The following PTPRM variants were observed in gnomAD, a reference collection of about 807,000 sequenced individuals.
PTPRM encodes the protein receptor-type tyrosine-protein phosphatase mu.
Under a neutral mutation model 186.7 loss-of-function variants are expected in PTPRM, and 47 were observed. The observed-to-expected ratio is 0.25, with a 90% CI of 0.20 to 0.32. PTPRM has a LOEUF of 0.32. PTPRM is among the 10% of genes least tolerant of loss of function. The pLI is 1.00. For synonymous variants in PTPRM, 668 were observed against 674.9 expected (o/e 0.99, Z 0.16); for missense variants, 1,494 against 1,865.0 (o/e 0.80, Z 3.66).
chr18:7,803,536 A>G (rs2044079648), intron 2 of PTPRM, among the ~76,000 whole-genome samples: 2 of 152,268 alleles, frequency 1.3e-5, no homozygotes, highest in South Asian at 2.1e-4. Context: ...CATTCTGGGG[A>G]TTAAGACACG....
At chr18:7,715,524 A>C (rs1477923455) in intron 1 of PTPRM, among the ~76,000 whole-genome samples, 1 of 152,204 alleles carries the variant, frequency 6.6e-6, no homozygotes, top group African/African-American at 2.4e-5. Flanking sequence ...AGGCAAGAGA[A>C]AGAAATAAAG....
At chr18:8,195,307 G>C (rs1437021689) in intron 14 of PTPRM, among the ~76,000 whole-genome samples, 1 of 152,084 alleles carries the variant, frequency 6.6e-6, no homozygotes, top group Non-Finnish European at 1.5e-5. Context: ...GGTGAACCCA[G>C]TGATGGCTGC....
In PTPRM at chr18:8,248,599, A is replaced by G. The variant is rs1179266804; in HGVS notation, c.2554+423A>G. Reference sequence around the variant, plus strand: ...TTATTTTCACTTATTGCTAAGCACTAAAAACTTCAATTTTAAAAGTAGCGT... The same window carrying G: ...TTATTTTCACTTATTGCTAAGCACTGAAAACTTCAATTTTAAAAGTAGCGT... On this transcript the variant is annotated intron_variant, in intron 17 of 32. Transcript: ENST00000580170. Among the ~76,000 whole-genome samples the G allele has an allele frequency of 3.9e-5, 6 of 152,186 alleles. 1 individual carries two copies. Among genetic ancestry groups the G allele is most frequent in the Admixed American group, 3.9e-4 (6 of 15,288 alleles).
At chr18:8,351,775 G>T (rs1244907178) in intron 23 of PTPRM, among the ~76,000 whole-genome samples, 1 of 152,166 alleles carries the variant, frequency 6.6e-6, no homozygotes, top group Non-Finnish European at 1.5e-5. Context: ...TCCAGACACT[G>T]CCAGGCTTCA....
intron 1 of PTPRM, among the ~76,000 whole-genome samples, chr18:7,742,790 A>T (rs565323074): frequency 1.3e-5 from 2 of 152,230 alleles, no homozygotes; most frequent in Non-Finnish European, 2.9e-5. Flanking sequence ...GCGTACTTGA[A>T]TCCTACCAGC....
chr18:8,320,634 A>G (rs1278725169), intron 22 of PTPRM, among the ~76,000 whole-genome samples: 3 of 152,174 alleles, frequency 2.0e-5, no homozygotes, highest in African/African-American at 7.2e-5. Context: ...GGGGTGGAAA[A>G]GCTCCAGCTA....
At chr18:8,049,734 T>G (rs2087336082) in intron 7 of PTPRM, among the ~76,000 whole-genome samples, 1 of 149,858 alleles carries the variant, frequency 6.7e-6, no homozygotes, top group Non-Finnish European at 1.5e-5. Context: ...TTTTTTGAGA[T>G]GAAATCTTGC....
intron 5 of PTPRM, among the ~76,000 whole-genome samples, chr18:7,929,674 G>A (rs1283279730): frequency 6.6e-6 from 1 of 152,170 alleles, no homozygotes; most frequent in African/African-American, 2.4e-5. Flanking sequence ...TGCAAGGGTG[G>A]TTTTTATTAA....
At chr18:7,856,268 T>G (rs2047090071) in intron 2 of PTPRM, among the ~76,000 whole-genome samples, 1 of 152,214 alleles carries the variant, frequency 6.6e-6, no homozygotes, top group South Asian at 2.1e-4. Flanking sequence ...ATTGCAAAGA[T>G]TTATAAACAA....
chr18:8,135,612 C>A (rs146236804), intron 13 of PTPRM, among the ~76,000 whole-genome samples: 11 of 152,282 alleles, frequency 7.2e-5, no homozygotes, highest in African/African-American at 2.2e-4. Flanking sequence ...TTAAACACAA[C>A]GCCACAATAA....
Position 8,304,072 on chromosome 18 carries a change from C to A in PTPRM, c.2842+7617C>A, listed in dbSNP as rs146354115. 5.6e-3 allele frequency among the ~76,000 whole-genome samples: 854 copies of A among 152,252 alleles called. 6 individuals carry two copies. Among genetic ancestry groups the A allele is most frequent in the African/African-American group, 0.019 (796 of 41,542 alleles). ...ATTCCAATTTACCTTATATATGTCA[C>A]CAGTATGTAGCAGAGAGAAAGAATT... On this transcript the variant is annotated intron_variant, in intron 20 of 32. Coordinates refer to ENST00000580170, the MANE Select transcript of PTPRM (RefSeq NM_001105244.2).
chr18:8,062,185 C>T lies in PTPRM; in HGVS notation c.1133-7501C>T, dbSNP rs1005872529. Among the ~76,000 whole-genome samples, 26 of 41,398 alleles carry T rather than the reference C, an allele frequency of 6.3e-4. 6 individuals are homozygous for T. The highest frequency in any genetic ancestry group is 6.3e-3 in the South Asian group (6 of 958). The allele number at this position is 41,398 out of a possible 152,430, so 27.2% of individuals were successfully genotyped here. On this transcript the variant is annotated intron_variant, in intron 7 of 32. Transcript: ENST00000580170. ...TTTATTCTTTTTTCTCTAAACTTCC[C>T]TTCTCGCTTCATTTCATTCATTTCA...
intron 20 of PTPRM, among the ~76,000 whole-genome samples, chr18:8,298,798 G>A (rs1196011388): frequency 6.6e-6 from 1 of 152,170 alleles, no homozygotes; most frequent in Non-Finnish European, 1.5e-5. Context: ...TGCTGGATGG[G>A]TGCTGGGATG....
chr18:7,995,422 T>G (rs912470754), intron 7 of PTPRM: 3 of 152,092 alleles, frequency 2.0e-5, no homozygotes, highest in South Asian at 4.1e-4. Context: ...CCTAACTCAT[T>G]GTAATAGACA....
chr18:8,053,878 G>A (rs1300064128), intron 7 of PTPRM, among the ~76,000 whole-genome samples: 3 of 151,860 alleles, frequency 2.0e-5, no homozygotes. Flanking sequence ...TTATTCCTGG[G>A]CTCCTTATAT....
At chr18:7,813,535 T>G (rs1394266329) in intron 2 of PTPRM, among the ~76,000 whole-genome samples, 2 of 152,190 alleles carry the variant, frequency 1.3e-5, no homozygotes, top group Non-Finnish European at 2.9e-5. Context: ...CATCCAGATG[T>G]GGACCCCCTT....
At chr18:8,111,024 G>A (rs964261241) in intron 11 of PTPRM, among the ~76,000 whole-genome samples, 15 of 152,166 alleles carry the variant, frequency 9.9e-5, no homozygotes, top group African/African-American at 3.1e-4. Flanking sequence ...AACTGGCTCT[G>A]CTGTCAGACC....
chr18:7,620,215 T>C (rs913385481), intron 1 of PTPRM, among the ~76,000 whole-genome samples: 1 of 152,210 alleles, frequency 6.6e-6, no homozygotes, highest in African/African-American at 2.4e-5. Flanking sequence ...CAGGAACCAC[T>C]GTACCAGGCA....
At chr18:7,589,784 C>T (rs2037075785) in intron 1 of PTPRM, among the ~76,000 whole-genome samples, 1 of 152,086 alleles carries the variant, frequency 6.6e-6, no homozygotes, top group South Asian at 2.1e-4. Context: ...CTCATTTAAC[C>T]TGAAAGAATC....
Sources: gnomAD v4.1 joint callset for allele counts (sites outside exome capture counted in the v4.1 genomes callset) on GRCh38, gnomAD v4.1.1 for gene constraint, MANE v1.5 for transcripts, NCBI Gene and HGNC (gene_info 2026-07-23, HGNC 2026-07-21) for gene names.